The following CAB39L variants were observed in gnomAD, a reference collection of about 807,000 sequenced individuals.
CAB39L encodes the protein calcium binding protein 39 like, also known as calcium-binding protein 39-like.
CAB39L carries 23 observed loss-of-function variants against 39.1 expected under a neutral mutation model. That is an observed-to-expected ratio of 0.59 (90% CI 0.42 to 0.83). CAB39L has a LOEUF of 0.83. Among genes scored for constraint, CAB39L ranks in the 40% least tolerant of loss-of-function variants. The pLI, the probability that CAB39L is intolerant of heterozygous loss-of-function variation, is 0.00. For missense variants in CAB39L, 366 were observed against 391.9 expected, an observed-to-expected ratio of 0.93 and a Z score of 0.56; for synonymous variants, 126 against 137.2, an observed-to-expected ratio of 0.92 and a Z score of 0.57.
intron 3 of CAB39L, among the ~76,000 whole-genome samples, chr13:49,406,254 G>C (rs9535226): frequency 6.8e-6 from 1 of 146,582 alleles, no homozygotes; most frequent in Non-Finnish European, 1.5e-5. Flanking sequence ...TGCAAGCTCC[G>C]CCTCCCAGGT....
intron 3 of CAB39L, among the ~76,000 whole-genome samples, chr13:49,390,751 G>C (rs1956471757): frequency 6.6e-6 from 1 of 152,114 alleles, no homozygotes; most frequent in Non-Finnish European, 1.5e-5. Flanking sequence ...GAAGGGTATA[G>C]AATTGAAAAA....
intron 10 of CAB39L, among the ~76,000 whole-genome samples, chr13:49,313,397 C>T (rs765511758): frequency 6.6e-6 from 1 of 151,604 alleles, no homozygotes; most frequent in South Asian, 2.1e-4. Flanking sequence ...AGGAGAATGG[C>T]GTGAACCCAG....
At chr13:49,317,687 A>C (rs942870291) in intron 10 of CAB39L, among the ~76,000 whole-genome samples, 2 of 152,260 alleles carry the variant, frequency 1.3e-5, no homozygotes, top group Non-Finnish European at 2.9e-5. Flanking sequence ...AATACAGGGT[A>C]AATTTTCATA....
chr13:49,371,299 T>G (rs984265182), intron 5 of CAB39L, among the ~76,000 whole-genome samples: 1 of 151,858 alleles, frequency 6.6e-6, no homozygotes, highest in East Asian at 1.9e-4. Flanking sequence ...GCGATTCTCC[T>G]GCCTCAGCCT....
At chr13:49,336,112 A>C (rs1437281327) in intron 9 of CAB39L, among the ~76,000 whole-genome samples, 2 of 150,362 alleles carry the variant, frequency 1.3e-5, no homozygotes, top group African/African-American at 4.9e-5. Flanking sequence ...TGGAGCTTCC[A>C]GAATGTTTTT....
intron 3 of CAB39L, among the ~76,000 whole-genome samples, chr13:49,403,226 G>T (rs1956809172): frequency 6.6e-6 from 1 of 152,006 alleles, no homozygotes; most frequent in Non-Finnish European, 1.5e-5. Flanking sequence ...CAGGAAACTG[G>T]GTTGAGTATT....
At chr13:49,358,063 A>G (rs1275232804) in intron 6 of CAB39L, among the ~76,000 whole-genome samples, 3 of 152,220 alleles carry the variant, frequency 2.0e-5, no homozygotes, top group Non-Finnish European at 2.9e-5. Flanking sequence ...GATGAACTAG[A>G]ACATCTGCTC....
At chr13:49,364,140 T>C (rs1043263084) in intron 5 of CAB39L, among the ~76,000 whole-genome samples, 5 of 152,200 alleles carry the variant, frequency 3.3e-5, no homozygotes, top group African/African-American at 1.2e-4. Flanking sequence ...TAAATATATA[T>C]GCACCAAACA....
intron 10 of CAB39L, among the ~76,000 whole-genome samples, chr13:49,313,217 C>T (rs779167003): frequency 1.2e-4 from 19 of 152,110 alleles, no homozygotes; most frequent in Non-Finnish European, 2.1e-4. Flanking sequence ...CGCGGTGGCT[C>T]ATGCCTGTAA....
chr13:49,353,845 A>G lies in CAB39L; in HGVS notation c.396-2933T>C, dbSNP rs79538344. On this transcript the variant is annotated intron_variant, in intron 6 of 10. Transcript: ENST00000409308. ...CCCATCTCCATTTGGTGTCTATGTC[A>G]TTTATTGCTACTTTCTCCTGTCCCT... Among the ~76,000 whole-genome samples the G allele has an allele frequency of 3.3e-3, 505 of 151,988 alleles. 6 individuals are homozygous for G. The East Asian group carries it at 0.04, about 12-fold the overall frequency.
chr13:49,357,461 A>C (rs1955518332), intron 6 of CAB39L, among the ~76,000 whole-genome samples: 1 of 152,232 alleles, frequency 6.6e-6, no homozygotes, highest in Admixed American at 6.5e-5. Flanking sequence ...GTTTGGGTTG[A>C]AAAACAGAAG....
chr13:49,403,644 A>G (rs1460972227), intron 3 of CAB39L, among the ~76,000 whole-genome samples: 3 of 152,162 alleles, frequency 2.0e-5, no homozygotes, highest in African/African-American at 7.2e-5. Flanking sequence ...GATATAAAAA[A>G]GATCTACATC....
chr13:49,313,686 G>A (rs1169752111), intron 10 of CAB39L, among the ~76,000 whole-genome samples: 1 of 152,124 alleles, frequency 6.6e-6, no homozygotes, highest in Non-Finnish European at 1.5e-5. Flanking sequence ...CTACATACAT[G>A]ACCACATGAC....
chr13:49,397,016 A>G (rs959854251), intron 3 of CAB39L, among the ~76,000 whole-genome samples: 3 of 152,206 alleles, frequency 2.0e-5, no homozygotes, highest in Non-Finnish European at 4.4e-5. Context: ...AAAAAACATA[A>G]TTTAGAATTG....
chr13:49,336,991 G>A (rs1461003343), intron 9 of CAB39L, among the ~76,000 whole-genome samples: 2 of 152,092 alleles, frequency 1.3e-5, no homozygotes, highest in Admixed American at 6.5e-5. Flanking sequence ...TCTACACAAA[G>A]GGGAAACTCA....
chr13:49,362,352 A>G (rs1303081891), intron 5 of CAB39L, among the ~76,000 whole-genome samples: 1 of 152,134 alleles, frequency 6.6e-6, no homozygotes, highest in East Asian at 1.9e-4. Flanking sequence ...ATTCAAAATA[A>G]CACAGAGAAA....
chr13:49,344,093 G>T, intron 8 of CAB39L, 86 bp downstream of exon 8: 1 of 807,170 alleles, frequency 1.2e-6, no homozygotes, highest in East Asian at 2.5e-5. Flanking sequence ...TTTCTCTTGT[G>T]GATAATTCAC....
intron 6 of CAB39L, among the ~76,000 whole-genome samples, chr13:49,352,270 A>G (rs1309697205): frequency 6.6e-6 from 1 of 152,044 alleles, no homozygotes; most frequent in Non-Finnish European, 1.5e-5. Flanking sequence ...TCAGTCTCTA[A>G]GTAAGTTTAA....
chr13:49,320,582 G>A (rs1954310537), intron 10 of CAB39L, among the ~76,000 whole-genome samples: 2 of 152,088 alleles, frequency 1.3e-5, no homozygotes, highest in African/African-American at 4.8e-5. Flanking sequence ...TTGCCAACAG[G>A]GATTGAGCCA....
Sources: allele counts gnomAD v4.1 joint callset (sites outside exome capture counted in the v4.1 genomes callset), GRCh38; gene constraint gnomAD v4.1.1; transcripts MANE v1.5; gene names NCBI Gene and HGNC (gene_info 2026-07-23, HGNC 2026-07-21).